Variants in DDHD2 observed in about 807,000 individuals in gnomAD.
DDHD2 encodes the protein triacylglycerol hydrolase DDHD2.
Under a neutral mutation model 91.2 loss-of-function variants are expected in DDHD2, and 62 were observed. That is an observed-to-expected ratio of 0.68 (90% CI 0.55 to 0.84). The LOEUF (loss-of-function observed/expected upper bound fraction) is 0.84, where lower values mean the gene tolerates loss of function less well. Ranked by LOEUF, DDHD2 falls within the 40% of genes least tolerant of loss-of-function variation. DDHD2 has a pLI of 0.00. For missense variants in DDHD2, 740 were observed against 846.9 expected (o/e 0.87, Z 1.57); for synonymous variants, 271 against 293.9 (o/e 0.92, Z 0.80).
chr8:38,272,502 C>G (rs958118960), downstream of DDHD2: 1 of 152,312 alleles, frequency 6.6e-6, no homozygotes, highest in East Asian at 1.9e-4. Flanking sequence ...TCTGATTCTT[C>G]CCTCGCAGCA....
chr8:38,245,794 A>G lies in DDHD2; in HGVS notation c.901A>G (p.Asn301Asp). Residue 301 changes from asparagine to aspartate, a missense_variant, in exon 8 of 18, where the codon AAT becomes GAT. Transcript: ENST00000397166. ...CATTAACCGCCTCAGGCACTTCACC[A>G]ATGACACAATTCTGGATGTCTTCTT... ...PSINRLRHFT[N>D]DTILDVFFYN... 6.2e-7 allele frequency: 1 copy of G among 1,614,180 alleles called. No homozygotes were observed. Among genetic ancestry groups the G allele is most frequent in the Non-Finnish European group, 8.5e-7 (1 of 1,180,044 alleles).
rs1220182181 is a variant in DDHD2, at chr8:38,245,755, A to G, written c.862A>G (p.Ile288Val). The change falls in exon 8 of 18, where the codon ATA becomes GTA. Residue 288 changes from isoleucine (I) to valine (V), a missense_variant. Ile to Val is a conservative substitution (Grantham distance 29). Coordinates refer to ENST00000397166, the MANE Select transcript of DDHD2 (RefSeq NM_015214.3). ...TCCTTTTTTCAGAGATCTGCAGCGA[A>G]TAACCCTGCCCAGCATTAACCGCCT... ...STGVDVDLQR[I>V]TLPSINRLRH... 1 of 1,613,954 alleles carries G rather than the reference A, an allele frequency of 6.2e-7. No homozygotes were observed. Among genetic ancestry groups the G allele is most frequent in the South Asian group, 1.1e-5 (1 of 91,088 alleles).
chr8:38,272,397 C>T (rs2130974240), downstream of DDHD2: 1 of 152,308 alleles, frequency 6.6e-6, no homozygotes, highest in Middle Eastern at 3.4e-3. Context: ...CCTGATTAGA[C>T]ATTAAAGAGG....
At chr8:38,264,284 A>G, downstream of DDHD2, 2 of 726,944 alleles carry the variant, frequency 2.8e-6, no homozygotes, top group Non-Finnish European at 3.9e-6. Flanking sequence ...GGTAGCTGGG[A>G]TTACGGCACA....
chr8:38,250,231 CT>C (rs1806007755), intron 11 of DDHD2: 1 of 151,274 alleles, frequency 6.6e-6, no homozygotes, highest in African/African-American at 2.4e-5. Flanking sequence ...GGCTCTCTTT[CT>C]AGAAATTAAA....
chr8:38,265,101 A>C, downstream of DDHD2: 1 of 615,440 alleles, frequency 1.6e-6, no homozygotes, highest in Non-Finnish European at 2.9e-6. Flanking sequence ...CCCTGTCTCT[A>C]CTAAAAATAC....
At chr8:38,253,765 T>C (rs1261053339) in intron 16 of DDHD2, 47 bp downstream of exon 16, 12 of 1,576,580 alleles carry the variant, frequency 7.6e-6, no homozygotes, top group Non-Finnish European at 7.0e-6. Flanking sequence ...ACCTGTTTCA[T>C]AGATATTTGA....
chr8:38,240,180 T>G (rs1320191521), intron 5 of DDHD2, 95 bp from the exon 6 acceptor site: 1 of 618,514 alleles, frequency 1.6e-6, no homozygotes, highest in Non-Finnish European at 2.7e-6. Flanking sequence ...TGTTCATCTT[T>G]TAACTTGCTC....
At chr8:38,242,151 G>A in intron 6 of DDHD2, 99 bp from the exon 7 acceptor site, 3 of 954,448 alleles carry the variant, frequency 3.1e-6, no homozygotes, top group Non-Finnish European at 4.7e-6. Flanking sequence ...TATGTGTTCT[G>A]TGCAAATGTA....
chr8:38,235,920 A>C (rs574670829), intron 3 of DDHD2, among the ~76,000 whole-genome samples: 81 of 151,638 alleles, frequency 5.3e-4, no homozygotes, highest in African/African-American at 1.9e-3. Context: ...TGCAAACTGT[A>C]TTATGCTATG....
chr8:38,259,603 C>G (rs1806816214), intron 16 of DDHD2, among the ~76,000 whole-genome samples: 1 of 152,018 alleles, frequency 6.6e-6, no homozygotes, highest in East Asian at 1.9e-4. Context: ...CCAGGCTGGT[C>G]TCAAACTCCT....
At position 38,243,581 on chromosome 8, in the gene DDHD2, T is replaced by A. The variant is rs16887275; in HGVS notation, c.848+1196T>A. Reference sequence around the variant, plus strand: ...TCTGCCTCAACCGTATCTTCATACCTTATCTAATGCCCCTTCATCACCATA... The same window carrying A: ...TCTGCCTCAACCGTATCTTCATACCATATCTAATGCCCCTTCATCACCATA... On this transcript the variant is annotated intron_variant, in intron 7 of 17. Coordinates refer to ENST00000397166, the MANE Select transcript of DDHD2 (RefSeq NM_015214.3). 7.2e-5 allele frequency among the ~76,000 whole-genome samples: 11 copies of A among 152,068 alleles called. No homozygotes were observed. In the East Asian group the frequency reaches 9.7e-4, roughly 13 times the overall value.
rs992416848 is a variant in DDHD2, at chr8:38,249,652, A to T, written c.1249-56A>T. 3.3e-5 allele frequency: 42 copies of T among 1,278,088 alleles called. 1 individual carries two copies. The highest frequency in any genetic ancestry group is 4.4e-5 in the African/African-American group (3 of 67,494). 79.2% of individuals were successfully genotyped at this position (1,278,088 alleles called of 1,614,324 possible). A position where few individuals can be genotyped will look rare whatever the true frequency, so the allele number is the denominator to read the frequency against. ...GCCTAGGCCTTGTTCCTCTTAGGGG[A>T]CAGGATTGATTTTATTTTGTCTAGA... On this transcript the variant is annotated intron_variant, in intron 10 of 17. Transcript: ENST00000397166.
At position 38,253,434 on chromosome 8, in the gene DDHD2, G is replaced by A; in HGVS notation, c.1892-122G>A. On this transcript the variant is annotated intron_variant, in intron 15 of 17. Transcript: ENST00000397166. The stretch of plus-strand genomic sequence containing the variant: ...GGAGATTGAGAGGAGGAAGATGGGA[G>A]AGAGCTCTCTGAACAGAGAGTAGCT... 3.4e-6 allele frequency: 3 copies of A among 879,930 alleles called. No individual in the cohort carries two copies. In the South Asian group the frequency reaches 5.3e-5, roughly 16 times the overall value. The allele number at this position is 879,930 out of a possible 1,614,324, so 54.5% of individuals were successfully genotyped here. A position where few individuals can be genotyped will look rare whatever the true frequency, so the allele number is the denominator to read the frequency against.
intron 1 of DDHD2, chr8:38,269,315 G>C: frequency 9.0e-7 from 1 of 1,107,166 alleles, no homozygotes; most frequent in Non-Finnish European, 1.2e-6. Context: ...CGGCTCCCCA[G>C]GAAGACGGCC....
chr8:38,268,910 G>A (rs768566801), intron 1 of DDHD2: 2 of 1,556,642 alleles, frequency 1.3e-6, no homozygotes, highest in South Asian at 2.4e-5. Context: ...GAAATACTCC[G>A]CCTCCACGTA....
At chr8:38,272,551 A>G (rs1808508236), downstream of DDHD2, 1 of 152,218 alleles carries the variant, frequency 6.6e-6, no homozygotes, top group Non-Finnish European at 1.5e-5. Context: ...ACAGTGCCTG[A>G]GAAAGTTTCC....
At chr8:38,268,597 G>A in intron 1 of DDHD2, 7 of 1,454,644 alleles carry the variant, frequency 4.8e-6, no homozygotes, top group Non-Finnish European at 5.4e-6. Flanking sequence ...CCGGGCGCCA[G>A]GCAGCGCCAC....
At chr8:38,247,978 T>C (rs968570019) in intron 10 of DDHD2, 143 bp downstream of exon 10, 1 of 668,556 alleles carries the variant, frequency 1.5e-6, no homozygotes, top group Non-Finnish European at 2.3e-6. Flanking sequence ...ATTTGCTTTT[T>C]ATCATATCAA....
Sources: allele counts gnomAD v4.1 joint callset (sites outside exome capture counted in the v4.1 genomes callset), GRCh38; gene constraint gnomAD v4.1.1; transcripts MANE v1.5; gene names NCBI Gene and HGNC (gene_info 2026-07-23, HGNC 2026-07-21).